The following TBC1D31 variants were observed in gnomAD, a reference collection of about 807,000 sequenced individuals.
The protein encoded by TBC1D31 is TBC1 domain family member 31.
A neutral mutation model predicts 132.9 loss-of-function variants in TBC1D31; 99 were observed. The observed-to-expected ratio is 0.74, with a 90% CI of 0.63 to 0.88. The LOEUF (loss-of-function observed/expected upper bound fraction) is 0.88, where lower values mean the gene tolerates loss of function less well. Among genes scored for constraint, TBC1D31 ranks in the 40% least tolerant of loss-of-function variants. The pLI is 0.00. For synonymous variants in TBC1D31, 385 were observed against 419.4 expected, an observed-to-expected ratio of 0.92 and a Z score of 1.00; for missense variants, 1,134 against 1,256.6, an observed-to-expected ratio of 0.90 and a Z score of 1.48.
intron 18 of TBC1D31, among the ~76,000 whole-genome samples, chr8:123,141,874 T>G (rs1287560403): frequency 7.2e-6 from 1 of 138,648 alleles, no homozygotes; most frequent in Non-Finnish European, 1.5e-5. Flanking sequence ...TTTTTTTTTT[T>G]TGTAGAGATG....
the TBC1D31 span, among the ~76,000 whole-genome samples, chr8:123,160,674 G>C: frequency 6.6e-6 from 1 of 152,130 alleles, no homozygotes; most frequent in Non-Finnish European, 1.5e-5. Flanking sequence ...ATTAGCCTAG[G>C]GACACACCGC....
At position 123,072,855 on chromosome 8, in the gene TBC1D31, C is replaced by A; in HGVS notation, c.77+9C>A. The A allele has an allele frequency of 1.3e-6, 2 of 1,559,188 alleles. No individual in the cohort carries two copies. The highest frequency in any genetic ancestry group is 2.4e-5 in the South Asian group (2 of 84,628). ...CCGGCCACGCGGGACGGGTAAAGGC[C>A]GTGGCGGGAGGGCGCGGGCTGTGGA... On this transcript the variant is annotated intron_variant, in intron 1 of 21. Coordinates refer to ENST00000287380, the MANE Select transcript of TBC1D31 (RefSeq NM_145647.4).
At position 123,126,126 on chromosome 8, in the gene TBC1D31, T is replaced by C. The variant is rs747292079; in HGVS notation, c.1641T>C (p.Asn547=). ...PPINILSMIE[N]VLAFHDKELL... is the part of the protein sequence containing the mutation. ...TCAATATTCTTAGCATGATAGAAAATGTTTTGGCATTTCATGACAAGGAAC... is the reference window on the plus strand; with the variant it reads ...TCAATATTCTTAGCATGATAGAAAACGTTTTGGCATTTCATGACAAGGAAC... The change falls in exon 12 of 22, where the codon AAT becomes AAC. Residue 547 remains asparagine (N), a synonymous_variant. Transcript: ENST00000287380. 18 of 1,612,318 alleles carry C rather than the reference T, an allele frequency of 1.1e-5. No homozygotes were observed. The African/African-American group carries it at 1.6e-4, about 14-fold the overall frequency.
intron 20 of TBC1D31, among the ~76,000 whole-genome samples, chr8:123,148,012 A>G (rs1041304868): frequency 6.6e-6 from 1 of 152,050 alleles, no homozygotes; most frequent in African/African-American, 2.4e-5. Context: ...CTGTAATCGC[A>G]GCTACTCAGG....
intron 1 of TBC1D31, among the ~76,000 whole-genome samples, chr8:123,076,750 C>G (rs1193185171): frequency 6.6e-6 from 1 of 152,164 alleles, no homozygotes; most frequent in Non-Finnish European, 1.5e-5. Context: ...CACTTAATCA[C>G]AGTTTATAAA....
chr8:123,092,770 C>A (rs1428295000), intron 4 of TBC1D31, among the ~76,000 whole-genome samples: 2 of 150,544 alleles, frequency 1.3e-5, no homozygotes, highest in African/African-American at 4.9e-5. Flanking sequence ...CTGCCTCAGC[C>A]TCCTGAGTAG....
In TBC1D31 at chr8:123,151,673, A is replaced by G. The variant is rs1390090943; in HGVS notation, c.3068-133A>G. 4 of 839,914 alleles carry G rather than the reference A, an allele frequency of 4.8e-6. No homozygotes were observed. The East Asian group carries it at 9.6e-5, about 20-fold the overall frequency. The allele number at this position is 839,914 out of a possible 1,614,324, so 52.0% of individuals were successfully genotyped here. A position where few individuals can be genotyped will look rare whatever the true frequency, so the allele number is the denominator to read the frequency against. ...AAATGGAACCACCTAGGGCCAGGTT[A>G]TATGTAAAATTTAGGTTTTAGAATT... On this transcript the variant is annotated intron_variant, in intron 21 of 21. Coordinates refer to ENST00000287380, the MANE Select transcript of TBC1D31 (RefSeq NM_145647.4).
chr8:123,105,909 G>A (rs977507335), intron 8 of TBC1D31, among the ~76,000 whole-genome samples: 2 of 152,010 alleles, frequency 1.3e-5, no homozygotes, highest in African/African-American at 4.8e-5. Flanking sequence ...TCAGCTTATT[G>A]CTCCACGCTC....
rs749817579 is a variant in TBC1D31 at position 123,144,793 on chromosome 8, A to G, written c.2912A>G (p.Lys971Arg). The G allele has an allele frequency of 1.5e-5, 24 of 1,613,868 alleles. No homozygotes were observed. The highest frequency in any genetic ancestry group is 2.0e-5 in the Non-Finnish European group (24 of 1,179,996). Residue 971 changes from lysine to arginine, a missense_variant, in exon 20 of 22, where the codon AAG (lysine) becomes AGG (arginine). Coordinates refer to ENST00000287380, the MANE Select transcript of TBC1D31 (RefSeq NM_145647.4). The stretch of plus-strand genomic sequence containing the variant: ...TCTGCTCTTTCAGATGCGTCTAGAA[A>G]GTGGTTTTTAAAGCAAGAGATAAAT... ...KASALSDASR[K>R]WFLKQEINAA...
intron 18 of TBC1D31, among the ~76,000 whole-genome samples, chr8:123,141,989 T>C (rs1374534837): frequency 6.6e-6 from 1 of 151,744 alleles, no homozygotes; most frequent in Non-Finnish European, 1.5e-5. Flanking sequence ...GCCTCCTGAG[T>C]AGCTGTGACT....
At chr8:123,157,259 T>C in the TBC1D31 span, among the ~76,000 whole-genome samples, 1 of 152,202 alleles carries the variant, frequency 6.6e-6, no homozygotes, top group Non-Finnish European at 1.5e-5. Context: ...ACTCACGACC[T>C]TCAGATTATG....
chr8:123,108,521 C>G lies in TBC1D31; in HGVS notation c.1210-796C>G, dbSNP rs182443444. Among the ~76,000 whole-genome samples the G allele has an allele frequency of 7.9e-3, 1,202 of 152,168 alleles. 8 individuals are homozygous for G. Among genetic ancestry groups the G allele is most frequent in the Non-Finnish European group, 0.012 (809 of 68,018 alleles). ...AGGAAAGAGAGAGGTGGGGGAGGAG[C>G]GGTCAGAGTGGATTGCTCTTGATGC... On this transcript the variant is annotated intron_variant, in intron 8 of 21. Coordinates refer to ENST00000287380, the MANE Select transcript of TBC1D31 (RefSeq NM_145647.4).
chr8:123,135,152 G>A (rs934292617), intron 17 of TBC1D31, among the ~76,000 whole-genome samples: 2 of 152,142 alleles, frequency 1.3e-5, no homozygotes, highest in Non-Finnish European at 2.9e-5. Flanking sequence ...TGCACACCTC[G>A]GCCTCCCGAA....
At chr8:123,106,432 C>T (rs1007748581) in intron 8 of TBC1D31, among the ~76,000 whole-genome samples, 1 of 152,166 alleles carries the variant, frequency 6.6e-6, no homozygotes, top group Non-Finnish European at 1.5e-5. Context: ...AGTACTGATA[C>T]TGACATATTG....
chr8:123,128,449 G>A lies in TBC1D31; in HGVS notation c.2053G>A (p.Val685Met), dbSNP rs753626216. 23 of 1,613,814 alleles carry A rather than the reference G, an allele frequency of 1.4e-5. No homozygotes were observed. The highest frequency in any genetic ancestry group is 1.9e-5 in the Non-Finnish European group (22 of 1,179,888). Residue 685 changes from valine to methionine, a missense_variant, in exon 14 of 22, where the codon GTG becomes ATG. Physicochemically the swap from Val to Met is conservative, Grantham distance 21. Coordinates refer to ENST00000287380, the MANE Select transcript of TBC1D31 (RefSeq NM_145647.4). ...ATTTAATCAATATCCAAAGTTTATT[G>A]TGGACTATCAAACACAGGAACGAGA... ...PVFNQYPKFI[V>M]DYQTQERERI...
At chr8:123,150,224 G>A (rs966353532) in intron 21 of TBC1D31, 96 bp downstream of exon 21, 25 of 892,478 alleles carry the variant, frequency 2.8e-5, no homozygotes, top group Admixed American at 4.3e-5. Context: ...GCATGTGGAC[G>A]CCATTTTCCC....
rs955711785 is a variant in TBC1D31, at chr8:123,146,807, C to T, written c.2974+1952C>T. 2.6e-5 allele frequency among the ~76,000 whole-genome samples: 4 copies of T among 152,118 alleles called. No individual in the cohort carries two copies. In the South Asian group the frequency reaches 8.3e-4, roughly 32 times the overall value. ...TCAAGAAATTCTCCTGCCTCAGCTT[C>T]CTGAGTCGCTGGGACTACAGGCGCA... On this transcript the variant is annotated intron_variant, in intron 20 of 21. Transcript: ENST00000287380.
In TBC1D31 at chr8:123,141,686, A is replaced by AT. The variant is rs1056950124; in HGVS notation, c.2641-567dup. On this transcript the variant is annotated intron_variant, in intron 18 of 21. Coordinates refer to ENST00000287380, the MANE Select transcript of TBC1D31 (RefSeq NM_145647.4). ...TTAGGTGATTTCCTCAAGATATTCC[A>AT]TTTTTTTTTAATAGGCTTGTGTCCA... Among the ~76,000 whole-genome samples, 23 of 150,308 alleles carry AT rather than the reference A, an allele frequency of 1.5e-4. No homozygotes were observed. In the East Asian group the frequency reaches 2.5e-3, roughly 17 times the overall value.
intron 4 of TBC1D31, among the ~76,000 whole-genome samples, chr8:123,088,369 C>T (rs1038617951): frequency 1.3e-5 from 2 of 152,020 alleles, no homozygotes; most frequent in African/African-American, 4.8e-5. Flanking sequence ...GTGGGAGAAT[C>T]CCCTGAGCCC....
Sources: allele counts gnomAD v4.1 joint callset (sites outside exome capture counted in the v4.1 genomes callset), GRCh38; gene constraint gnomAD v4.1.1; transcripts MANE v1.5; gene names NCBI Gene and HGNC (gene_info 2026-07-23, HGNC 2026-07-21).